TMEM204: variants seen among roughly 807,000 people sequenced by gnomAD.
The protein encoded by TMEM204 is transmembrane protein 204, also known as claudin-like protein 24.
A neutral mutation model predicts 19.4 loss-of-function variants in TMEM204; 15 were observed. That is an observed-to-expected ratio of 0.77 (90% CI 0.52 to 1.19). TMEM204 has a LOEUF of 1.19. TMEM204 is among the 50% of genes most tolerant of loss of function. The pLI is 0.00. For synonymous variants in TMEM204, 161 were observed against 146.0 expected (o/e 1.10, Z -0.74); for missense variants, 287 against 321.2 (o/e 0.89, Z 0.81).
At chr16:1,536,286 C>G (rs1229341832) in intron 1 of TMEM204, among the ~76,000 whole-genome samples, 1 of 152,216 alleles carries the variant, frequency 6.6e-6, no homozygotes, top group Non-Finnish European at 1.5e-5. Flanking sequence ...CTGGCACGAC[C>G]TATGCATCCG....
intron 2 of TMEM204, among the ~76,000 whole-genome samples, chr16:1,543,713 G>A (rs1448826651): frequency 1.3e-5 from 2 of 152,356 alleles, no homozygotes; most frequent in Middle Eastern, 3.4e-3. Context: ...CTGCATGACT[G>A]CAGGGAAAAC....
At chr16:1,538,027 A>G (rs949139509) in intron 1 of TMEM204, among the ~76,000 whole-genome samples, 1 of 151,556 alleles carries the variant, frequency 6.6e-6, no homozygotes, top group African/African-American at 2.4e-5. Flanking sequence ...ACAGCCACGC[A>G]GAGCCACGCA....
At chr16:1,541,862 T>TA in intron 1 of TMEM204, 59 bp from the exon 2 acceptor site, 1 of 1,490,604 alleles carries the variant, frequency 6.7e-7, no homozygotes, top group Non-Finnish European at 8.9e-7. Context: ...GCGTGACGGC[T>TA]GGCGTGGCCT....
chr16:1,550,006 A>G (rs1365335898), intron 2 of TMEM204, among the ~76,000 whole-genome samples: 2 of 151,916 alleles, frequency 1.3e-5, no homozygotes, highest in Non-Finnish European at 2.9e-5. Context: ...GCCCAGGCTG[A>G]GTGCAATGGT....
At chr16:1,546,053 C>T (rs1172599156) in intron 2 of TMEM204, among the ~76,000 whole-genome samples, 1 of 152,256 alleles carries the variant, frequency 6.6e-6, no homozygotes, top group African/African-American at 2.4e-5. Context: ...TCCTCGTGGC[C>T]TCTTTTCTCT....
intron 2 of TMEM204, among the ~76,000 whole-genome samples, chr16:1,545,839 G>A (rs754749235): frequency 8.5e-5 from 13 of 152,220 alleles, no homozygotes; most frequent in Non-Finnish European, 1.5e-4. Context: ...TGGGCTCAGT[G>A]CCATGCTCAG....
intron 2 of TMEM204, 25 bp downstream of exon 2, chr16:1,542,101 A>G: frequency 2.6e-6 from 4 of 1,562,862 alleles, no homozygotes; most frequent in Non-Finnish European, 3.5e-6. Flanking sequence ...GGGTGTGGCC[A>G]CCGCGCCCTT....
At chr16:1,535,007 C>T (rs576267224) in intron 1 of TMEM204, among the ~76,000 whole-genome samples, 3 of 151,950 alleles carry the variant, frequency 2.0e-5, no homozygotes, top group African/African-American at 4.8e-5. Flanking sequence ...GAGTTCAAGA[C>T]GAACCTAGCC....
Position 1,553,796 on chromosome 16 carries a change from C to A in TMEM204, c.437-986C>A. On this transcript the variant is annotated intron_variant, in intron 2 of 2. Transcript: ENST00000566264. This position sits in a 1 kb window ranked among gnomAD's most constrained non-coding sequence, Gnocchi z 4.4. ...GACAGCCTCTCCTCCATCCTAGAGC[C>A]TATGTTTCCAGCTGGATTAGGACGC... 8.3e-7 allele frequency: 1 copy of A among 1,197,750 alleles called. No homozygotes were observed. The highest frequency in any genetic ancestry group is 1.5e-5 in the South Asian group (1 of 64,876). The allele number at this position is 1,197,750 out of a possible 1,614,324, so 74.2% of individuals were successfully genotyped here.
upstream of TMEM204, chr16:1,531,490 G>C (rs1159487710): frequency 6.6e-6 from 1 of 152,290 alleles, no homozygotes; most frequent in African/African-American, 2.4e-5. The surrounding 1 kb of genome is among the most constrained non-coding windows in gnomAD (Gnocchi z 4.7). Context: ...TGTGGGAGGG[G>C]GCAGTGGGAC....
intron 1 of TMEM204, among the ~76,000 whole-genome samples, chr16:1,539,804 G>A (rs968450079): frequency 1.3e-5 from 2 of 152,192 alleles, no homozygotes; most frequent in Non-Finnish European, 2.9e-5. Context: ...TCTCCCCCTT[G>A]CCAGCGGAAG....
chr16:1,552,971 A>C, intron 2 of TMEM204: 2 of 985,264 alleles, frequency 2.0e-6, no homozygotes, highest in Non-Finnish European at 2.4e-6. Flanking sequence ...TATTTTTAAT[A>C]AAACAGAAGT....
chr16:1,554,013 C>G (rs1409740422), intron 2 of TMEM204: 1 of 1,287,096 alleles, frequency 7.8e-7, no homozygotes, highest in Non-Finnish European at 1.0e-6. Flanking sequence ...TTGCTCACGG[C>G]CCACCTCTCC....
chr16:1,544,351 T>C (rs958267255), intron 2 of TMEM204, among the ~76,000 whole-genome samples: 1 of 137,552 alleles, frequency 7.3e-6, no homozygotes, highest in Non-Finnish European at 1.6e-5. Context: ...GCCCGGCTAA[T>C]TTTTTTTGTA....
chr16:1,535,249 G>A (rs958606165), intron 1 of TMEM204, among the ~76,000 whole-genome samples: 1 of 152,174 alleles, frequency 6.6e-6, no homozygotes, highest in Non-Finnish European at 1.5e-5. Context: ...AGGGGACAGG[G>A]ATGCTCAGTG....
chr16:1,536,400 C>A (rs1475226986), intron 1 of TMEM204, among the ~76,000 whole-genome samples: 1 of 152,216 alleles, frequency 6.6e-6, no homozygotes, highest in African/African-American at 2.4e-5. Flanking sequence ...TGCTCACCTG[C>A]CTGCGTCCAC....
intron 1 of TMEM204, among the ~76,000 whole-genome samples, chr16:1,538,129 C>A (rs976663479): frequency 3.3e-5 from 5 of 152,214 alleles, no homozygotes; most frequent in Admixed American, 3.3e-4. Flanking sequence ...CAGGCGGGAG[C>A]GTGGCTCAGA....
At chr16:1,530,133 CTTTTTTTTTTTTT>C (rs922819138), upstream of TMEM204, among the ~76,000 whole-genome samples, 2 of 88,596 alleles carry the variant, frequency 2.3e-5, no homozygotes, top group Non-Finnish European at 4.1e-5. Flanking sequence ...CGACGGGAAT[CTTTTTTTTTTTTT>C]TTTTTTTTTT....
In TMEM204 at chr16:1,535,625, C is replaced by T. The variant is rs148332051; in HGVS notation, c.280+1070C>T. On this transcript the variant is annotated intron_variant, in intron 1 of 2. Transcript: ENST00000566264. The stretch of plus-strand genomic sequence containing the variant: ...CCACACAGCTCCATCCCCAACCTGC[C>T]GCGCTCAGAACCCTCAGCGGGGAAT... Among the ~76,000 whole-genome samples, 14 of 152,306 alleles carry T rather than the reference C, an allele frequency of 9.2e-5. No homozygotes were observed. In the East Asian group the frequency reaches 2.5e-3, roughly 27 times the overall value.
Sources: allele counts gnomAD v4.1 joint callset (sites outside exome capture counted in the v4.1 genomes callset), GRCh38; gene constraint gnomAD v4.1.1; non-coding constraint Gnocchi (gnomAD v3.1); transcripts MANE v1.5; gene names NCBI Gene and HGNC (gene_info 2026-07-23, HGNC 2026-07-21).